Variants in PDGFC observed in about 807,000 individuals in gnomAD.
PDGFC encodes platelet derived growth factor C.
Under a neutral mutation model 35.5 loss-of-function variants are expected in PDGFC, and 12 were observed. The observed-to-expected ratio is 0.34, with a 90% CI of 0.22 to 0.55. The LOEUF is 0.55. PDGFC is among the 20% of genes least tolerant of loss of function. The probability of loss-of-function intolerance (pLI) is 0.91; values close to 1 mark genes in which losing one functional copy is unlikely to be tolerated. For missense variants in PDGFC, 322 were observed against 412.4 expected (o/e 0.78, Z 1.90); for synonymous variants, 159 against 148.8 (o/e 1.07, Z -0.50).
At chr4:156,764,904 A>G (rs190918044) in intron 5 of PDGFC, among the ~76,000 whole-genome samples, 2 of 152,220 alleles carry the variant, frequency 1.3e-5, no homozygotes, top group East Asian at 1.9e-4. Context: ...TTCAATTCCT[A>G]TGTCCACCTG....
At chr4:156,943,363 T>C (rs757672693) in intron 1 of PDGFC, among the ~76,000 whole-genome samples, 5 of 152,082 alleles carry the variant, frequency 3.3e-5, no homozygotes, top group Non-Finnish European at 5.9e-5. Context: ...CATATGTCCT[T>C]GCTAGTAAAA....
intron 1 of PDGFC, among the ~76,000 whole-genome samples, chr4:156,878,972 T>C (rs1437327731): frequency 6.6e-6 from 1 of 152,182 alleles, no homozygotes; most frequent in Non-Finnish European, 1.5e-5. Flanking sequence ...AATGGAAACA[T>C]GTTTGACTTT....
intron 4 of PDGFC, chr4:156,770,597 T>C (rs1166502374): frequency 1.3e-5 from 2 of 152,118 alleles, no homozygotes; most frequent in African/African-American, 2.4e-5. Context: ...CTGCCAAATA[T>C]TTGTAAAAGT....
At chr4:156,822,824 C>T (rs1025613484) in intron 2 of PDGFC, among the ~76,000 whole-genome samples, 2 of 151,892 alleles carry the variant, frequency 1.3e-5, no homozygotes, top group African/African-American at 2.4e-5. Context: ...TGCCATGGTG[C>T]GATCTCGGCT....
chr4:156,832,256 T>TC (rs201454368), intron 2 of PDGFC, among the ~76,000 whole-genome samples: 525 of 139,930 alleles, frequency 3.8e-3, no homozygotes, highest in African/African-American at 0.013. Flanking sequence ...TTTCTTTCTT[T>TC]TTTTTTTTTT....
chr4:156,918,186 A>G (rs562555989), intron 1 of PDGFC, among the ~76,000 whole-genome samples: 77 of 152,332 alleles, frequency 5.1e-4, no homozygotes, highest in Non-Finnish European at 9.1e-4. Flanking sequence ...TTGTTCTTAT[A>G]TATCTCTTTA....
intron 1 of PDGFC, among the ~76,000 whole-genome samples, chr4:156,900,266 A>G (rs2110760159): frequency 6.6e-6 from 1 of 152,302 alleles, no homozygotes; most frequent in South Asian, 2.1e-4. Context: ...ATCCAGGCTC[A>G]AAATCCTTAG....
chr4:156,778,145 C>T (rs2110836500), intron 3 of PDGFC: 2 of 277,746 alleles, frequency 7.2e-6, no homozygotes, highest in South Asian at 5.8e-5. Flanking sequence ...GGCAAATGAA[C>T]AAAAGTAAAA....
intron 1 of PDGFC, among the ~76,000 whole-genome samples, chr4:156,872,656 A>G (rs1173548230): frequency 6.6e-6 from 1 of 152,204 alleles, no homozygotes; most frequent in African/African-American, 2.4e-5. Flanking sequence ...AGCTCACAAA[A>G]TATGTCTTAT....
intron 3 of PDGFC, among the ~76,000 whole-genome samples, chr4:156,781,091 G>A (rs897878997): frequency 2.0e-5 from 3 of 151,988 alleles, no homozygotes; most frequent in South Asian, 4.2e-4. Context: ...ATTTATACGC[G>A]GACTACCAGA....
intron 1 of PDGFC, among the ~76,000 whole-genome samples, chr4:156,897,916 T>C (rs963718285): frequency 6.6e-6 from 1 of 152,236 alleles, no homozygotes; most frequent in African/African-American, 2.4e-5. Context: ...GCTGTCCGTC[T>C]GCATGAGATG....
At chr4:156,848,319 T>A (rs1048400631) in intron 2 of PDGFC, among the ~76,000 whole-genome samples, 10 of 151,920 alleles carry the variant, frequency 6.6e-5, no homozygotes, top group Admixed American at 6.6e-4. Context: ...TGTTGGGAAA[T>A]GTATAAACTG....
intron 1 of PDGFC, among the ~76,000 whole-genome samples, chr4:156,859,346 G>A (rs1729655355): frequency 6.6e-6 from 1 of 151,942 alleles, no homozygotes; most frequent in African/African-American, 2.4e-5. Flanking sequence ...TGCTAATTGA[G>A]GGCAAGAAAA....
chr4:156,897,324 G>C (rs1400362621), intron 1 of PDGFC, among the ~76,000 whole-genome samples: 1 of 147,272 alleles, frequency 6.8e-6, no homozygotes, highest in Non-Finnish European at 1.5e-5. Context: ...CAGAGAGAGA[G>C]AATATGAGAG....
intron 1 of PDGFC, among the ~76,000 whole-genome samples, chr4:156,875,037 T>C (rs1469788169): frequency 6.6e-6 from 1 of 152,116 alleles, no homozygotes; most frequent in Non-Finnish European, 1.5e-5. Flanking sequence ...ATTTTAAACA[T>C]TATTTTTAAA....
At chr4:156,826,230 T>C (rs1732474662) in intron 2 of PDGFC, among the ~76,000 whole-genome samples, 1 of 119,842 alleles carries the variant, frequency 8.3e-6, no homozygotes, top group Non-Finnish European at 1.6e-5. Flanking sequence ...TTCACTCTCG[T>C]TGCCCAGGCT....
Position 156,831,813 on chromosome 4 carries a change from C to T in PDGFC, c.314+18408G>A, listed in dbSNP as rs568890474. ...AAAACAAGGACACTAGACTGTATTTCGAGTAATAAATTAGATACAATTTTT... is the reference window on the plus strand; with the variant it reads ...AAAACAAGGACACTAGACTGTATTTTGAGTAATAAATTAGATACAATTTTT... On this transcript the variant is annotated intron_variant, in intron 2 of 5. Coordinates refer to ENST00000502773, the MANE Select transcript of PDGFC (RefSeq NM_016205.3). 1.3e-4 allele frequency among the ~76,000 whole-genome samples: 20 copies of T among 152,102 alleles called. No individual in the cohort carries two copies. In the East Asian group the frequency reaches 2.1e-3, roughly 16 times the overall value.
At chr4:156,868,951 T>C (rs342316) in intron 1 of PDGFC, among the ~76,000 whole-genome samples, 146,184 of 152,230 alleles carry the variant, frequency 0.96, 70,241 homozygotes, top group East Asian at 1. Context: ...TCCAAAATGT[T>C]CCAAACTCAA....
chr4:156,962,242 G>A (rs1443234), intron 1 of PDGFC, among the ~76,000 whole-genome samples: 372 of 152,040 alleles, frequency 2.4e-3, no homozygotes, highest in African/African-American at 7.9e-3. Context: ...CTTGTCTCTC[G>A]CCCATGATAT....
Sources: gnomAD v4.1 joint callset for allele counts (sites outside exome capture counted in the v4.1 genomes callset) on GRCh38, gnomAD v4.1.1 for gene constraint, MANE v1.5 for transcripts, NCBI Gene and HGNC (gene_info 2026-07-23, HGNC 2026-07-21) for gene names.